Variants in NFATC1 observed in about 807,000 individuals in gnomAD.
The protein encoded by NFATC1 is nuclear factor of activated T cells 1, also known as nuclear factor of activated T-cells, cytoplasmic 1.
NFATC1 carries 22 observed loss-of-function variants against 76.0 expected under a neutral mutation model. That is an observed-to-expected ratio of 0.29 (90% CI 0.21 to 0.41). The LOEUF is 0.41. Ranked by LOEUF, NFATC1 falls within the 10% of genes least tolerant of loss-of-function variation. The pLI, the probability that NFATC1 is intolerant of heterozygous loss-of-function variation, is 1.00. For synonymous variants in NFATC1, 704 were observed against 613.1 expected, an observed-to-expected ratio of 1.15 and a Z score of -2.19; for missense variants, 1,357 against 1,337.7, an observed-to-expected ratio of 1.01 and a Z score of -0.23.
intron 3 of NFATC1, among the ~76,000 whole-genome samples, chr18:79,445,498 G>A (rs758985686): frequency 2.0e-5 from 3 of 152,224 alleles, no homozygotes; most frequent in African/African-American, 2.4e-5. Flanking sequence ...GTCACCTCTG[G>A]CTGCTGTTGT....
chr18:79,412,238 C>A (rs1295903706), intron 2 of NFATC1, among the ~76,000 whole-genome samples: 1 of 152,228 alleles, frequency 6.6e-6, no homozygotes, highest in African/African-American at 2.4e-5. Context: ...AACAGCTTTC[C>A]CAGCTGGTGG....
chr18:79,485,546 G>T (rs2089468631), intron 8 of NFATC1, among the ~76,000 whole-genome samples: 1 of 152,234 alleles, frequency 6.6e-6, no homozygotes, highest in Admixed American at 6.5e-5. Flanking sequence ...GCCCGGGCCT[G>T]GCGGAGCAGC....
At chr18:79,523,653 A>G (rs1262271428) in intron 9 of NFATC1, among the ~76,000 whole-genome samples, 2 of 152,162 alleles carry the variant, frequency 1.3e-5, no homozygotes, top group African/African-American at 4.8e-5. Context: ...TCAATTCCAG[A>G]TGTGTATAGA....
In NFATC1 at chr18:79,411,063, G is replaced by T. The variant is rs1002173789; in HGVS notation, c.788G>T (p.Cys263Phe). The T allele has an allele frequency of 6.2e-7, 1 of 1,611,956 alleles. No homozygotes were observed. The highest frequency in any genetic ancestry group is 8.5e-7 in the Non-Finnish European group (1 of 1,179,498). The change falls in exon 2 of 10, where the codon TGC becomes TTC. Residue 263 changes from cysteine to phenylalanine, a missense_variant. Physicochemically the swap from Cys to Phe is radical, Grantham distance 205. This residue lies in a region of NFATC1 where 691 missense variants were observed against 613.1 expected (regional missense o/e 1.13). Coordinates refer to ENST00000427363, the MANE Select transcript of NFATC1 (RefSeq NM_001278669.2). ...CGCTCCTCCAGACCCGCGTCCCCTT[G>T]CAACAAGAGGAAGTACAGCCTCAAC... ...GARSSRPASPCNKRKYSLNGR... is the reference protein window; with the variant it reads ...GARSSRPASPFNKRKYSLNGR...
chr18:79,399,945 G>A (rs1190605924), intron 1 of NFATC1, among the ~76,000 whole-genome samples: 3 of 152,024 alleles, frequency 2.0e-5, no homozygotes, highest in Non-Finnish European at 4.4e-5. Context: ...GCTTTCCCGA[G>A]GAGGCCCGGA....
chr18:79,472,831 G>A (rs2088840766), intron 8 of NFATC1, among the ~76,000 whole-genome samples: 1 of 152,230 alleles, frequency 6.6e-6, no homozygotes, highest in East Asian at 1.9e-4. Flanking sequence ...CGGCGCTCTG[G>A]GTTTCAGCCT....
intron 8 of NFATC1, chr18:79,470,011 C>A: frequency 1.0e-6 from 1 of 985,464 alleles, no homozygotes; most frequent in Non-Finnish European, 1.2e-6. Flanking sequence ...GAATAGAAAC[C>A]AGCACCCAGG....
intron 3 of NFATC1, among the ~76,000 whole-genome samples, chr18:79,440,814 A>G (rs914462963): frequency 1.3e-5 from 2 of 151,920 alleles, no homozygotes; most frequent in Non-Finnish European, 2.9e-5. Context: ...TTTCAGAGAC[A>G]CTCCTCTTCT....
At chr18:79,488,589 T>C (rs1205301100) in intron 9 of NFATC1, among the ~76,000 whole-genome samples, 2 of 152,176 alleles carry the variant, frequency 1.3e-5, no homozygotes, top group Non-Finnish European at 2.9e-5. Flanking sequence ...GCTGTCCTCC[T>C]TGTCCACCCG....
intron 9 of NFATC1, chr18:79,515,975 TC>T (rs752575785): frequency 1.3e-5 from 2 of 151,066 alleles, no homozygotes; most frequent in Non-Finnish European, 2.9e-5. Flanking sequence ...ACGGACTAGA[TC>T]CGTGGAAACA....
intron 3 of NFATC1, among the ~76,000 whole-genome samples, chr18:79,439,382 AG>A (rs2086892964): frequency 6.6e-6 from 1 of 152,100 alleles, no homozygotes; most frequent in Non-Finnish European, 1.5e-5. Flanking sequence ...ACGCACGGGG[AG>A]GACGCCGTGG....
chr18:79,509,508 G>C (rs891753516), intron 9 of NFATC1, among the ~76,000 whole-genome samples: 2 of 152,236 alleles, frequency 1.3e-5, no homozygotes, highest in Non-Finnish European at 2.9e-5. Flanking sequence ...TTCCTCAGAC[G>C]CCCGCGCAGT....
intron 9 of NFATC1, among the ~76,000 whole-genome samples, chr18:79,487,458 C>T (rs891582851): frequency 9.9e-5 from 15 of 152,232 alleles, no homozygotes; most frequent in African/African-American, 3.6e-4. Flanking sequence ...GCAGGGTGGC[C>T]GTGACACCGG....
At chr18:79,506,622 A>T (rs2090126468) in intron 9 of NFATC1, among the ~76,000 whole-genome samples, 1 of 152,098 alleles carries the variant, frequency 6.6e-6, no homozygotes, top group Non-Finnish European at 1.5e-5. Context: ...TCCTGTAGGG[A>T]GTGTTAGGAG....
chr18:79,475,768 G>T (rs957717911), intron 8 of NFATC1, among the ~76,000 whole-genome samples: 3 of 152,250 alleles, frequency 2.0e-5, no homozygotes, highest in Non-Finnish European at 4.4e-5. Flanking sequence ...AGGGAGGTCC[G>T]AGATGTGCTC....
intron 9 of NFATC1, among the ~76,000 whole-genome samples, chr18:79,520,786 TG>T (rs1292436381): frequency 3.7e-4 from 14 of 37,878 alleles, no homozygotes; most frequent in South Asian, 1.3e-3. Context: ...TGTGTGTGTG[TG>T]GGGGGGCATC....
At chr18:79,497,131 C>T (rs2089908737) in intron 9 of NFATC1, 1 of 152,266 alleles carries the variant, frequency 6.6e-6, no homozygotes, top group Non-Finnish European at 1.5e-5. Context: ...CAGAGAATTT[C>T]TGACTGTTTG....
At chr18:79,492,774 T>A (rs113852375) in intron 9 of NFATC1, among the ~76,000 whole-genome samples, 1,848 of 149,362 alleles carry the variant, frequency 0.012, 40 homozygotes, top group African/African-American at 0.043. Flanking sequence ...CTTGGAAGGC[T>A]GAGGCAGGAG....
intron 9 of NFATC1, among the ~76,000 whole-genome samples, chr18:79,501,518 C>T (rs547016283): frequency 1.8e-4 from 28 of 152,154 alleles, no homozygotes; most frequent in African/African-American, 6.3e-4. Context: ...AAAAGGCAAC[C>T]GGAATGGACA....
Sources: gnomAD v4.1 joint callset for allele counts (sites outside exome capture counted in the v4.1 genomes callset) on GRCh38, gnomAD v4.1.1 for gene constraint, gnomAD v4.1.1 regional missense constraint, MANE v1.5 for transcripts, NCBI Gene and HGNC (gene_info 2026-07-23, HGNC 2026-07-21) for gene names.